WDR72: variants seen among roughly 807,000 people sequenced by gnomAD.
WDR72 encodes the protein WD repeat domain 72, also known as WD repeat-containing protein 72.
Under a neutral mutation model 124.2 loss-of-function variants are expected in WDR72, and 120 were observed. The observed-to-expected ratio is 0.97, with a 90% CI of 0.83 to 1.12. WDR72 has a LOEUF of 1.12. Ranked by LOEUF, WDR72 falls within the 50% of genes most tolerant of loss-of-function variation. The pLI, the probability that WDR72 is intolerant of heterozygous loss-of-function variation, is 0.00. For missense variants in WDR72, 1,387 were observed against 1,278.8 expected (o/e 1.08, Z -1.29); for synonymous variants, 452 against 441.7 (o/e 1.02, Z -0.29).
chr15:53,653,984 T>C lies in WDR72; in HGVS notation c.1962+11588A>G, dbSNP rs185827366. Among the ~76,000 whole-genome samples, 4 of 152,296 alleles carry C rather than the reference T, an allele frequency of 2.6e-5. No individual in the cohort carries two copies. The East Asian group carries it at 7.7e-4, about 29-fold the overall frequency. ...TTCCTAGGTTTTGATTATGCTTAAATATACCCAGTCTGGAAATCAACACAA... is the reference window on the plus strand; with the variant it reads ...TTCCTAGGTTTTGATTATGCTTAAACATACCCAGTCTGGAAATCAACACAA... On this transcript the variant is annotated intron_variant, in intron 14 of 19. Coordinates refer to ENST00000360509, the MANE Select transcript of WDR72 (RefSeq NM_182758.4).
At chr15:53,699,127 G>C (rs1361601727) in intron 13 of WDR72, among the ~76,000 whole-genome samples, 1 of 152,046 alleles carries the variant, frequency 6.6e-6, no homozygotes, top group Non-Finnish European at 1.5e-5. Flanking sequence ...ACTCTCAAAC[G>C]AACTCCCCTG....
At chr15:53,538,079 A>G (rs1892856713) in intron 18 of WDR72, among the ~76,000 whole-genome samples, 1 of 152,178 alleles carries the variant, frequency 6.6e-6, no homozygotes, top group Admixed American at 6.5e-5. Flanking sequence ...TTGGAAAGTT[A>G]TTCTAAATAG....
chr15:53,761,407 G>A (rs554771965), upstream of WDR72, among the ~76,000 whole-genome samples: 164 of 152,172 alleles, frequency 1.1e-3, no homozygotes, highest in Non-Finnish European at 1.9e-3. Context: ...AGAACAGTTT[G>A]AAGCTTCCTC....
chr15:53,577,698 T>C (rs2011687512), intron 18 of WDR72, among the ~76,000 whole-genome samples: 1 of 152,134 alleles, frequency 6.6e-6, no homozygotes, highest in Non-Finnish European at 1.5e-5. Flanking sequence ...CAGGACAAAC[T>C]TAAAAAGCTA....
At chr15:53,571,593 C>T (rs139526881) in intron 18 of WDR72, among the ~76,000 whole-genome samples, 17 of 152,208 alleles carry the variant, frequency 1.1e-4, no homozygotes, top group Admixed American at 6.5e-4. Flanking sequence ...ATATATGTCA[C>T]ATTTTCCTTA....
At chr15:53,599,925 T>C (rs2012966559) in intron 17 of WDR72, among the ~76,000 whole-genome samples, 1 of 152,016 alleles carries the variant, frequency 6.6e-6, no homozygotes, top group South Asian at 2.1e-4. Flanking sequence ...ACGAATATCA[T>C]CAAAAACAAG....
chr15:53,738,611 TTTGA>T (rs576265684), intron 1 of WDR72, among the ~76,000 whole-genome samples: 11 of 150,458 alleles, frequency 7.3e-5, no homozygotes, highest in Non-Finnish European at 1.3e-4. Flanking sequence ...TGTTTGTTTG[TTTGA>T]GATGGAGTCT....
At chr15:53,679,998 T>C (rs1017400725) in intron 13 of WDR72, among the ~76,000 whole-genome samples, 1 of 151,878 alleles carries the variant, frequency 6.6e-6, no homozygotes, top group East Asian at 1.9e-4. Context: ...AATAACCTTA[T>C]GCAATTTAAA....
In WDR72 at chr15:53,613,663, T is replaced by C; in HGVS notation, c.2872+3A>G. Reference sequence around the variant, plus strand: ...ATCATATCTGTGCCAGTAACTCTCTTACCATTTCGTAAGCAACTGTAGAAG... The same window carrying C: ...ATCATATCTGTGCCAGTAACTCTCTCACCATTTCGTAAGCAACTGTAGAAG... On this transcript the variant is annotated splice_donor_region_variant and intron_variant, in intron 16 of 19. Transcript: ENST00000360509. The C allele has an allele frequency of 6.2e-7, 1 of 1,603,496 alleles. No individual in the cohort carries two copies. Among genetic ancestry groups the C allele is most frequent in the Non-Finnish European group, 8.5e-7 (1 of 1,172,002 alleles).
At position 53,529,164 on chromosome 15, in the gene WDR72, ATTT is replaced by A. The variant is rs1221581823; in HGVS notation, c.3149-5845_3149-5843del. ...TTAGCCCATATATATATATATATATATTTTTTTTTTTTTTTTTAAAAGAATATA... is the reference window on the plus strand; with the variant it reads ...TTAGCCCATATATATATATATATATATTTTTTTTTTTTTTAAAAGAATATA... On this transcript the variant is annotated intron_variant, in intron 18 of 19. Transcript: ENST00000360509. Among the ~76,000 whole-genome samples the A allele has an allele frequency of 2.4e-3, 190 of 78,156 alleles. 6 individuals are homozygous for A. Among genetic ancestry groups the A allele is most frequent in the African/African-American group, 5.5e-3 (111 of 20,086 alleles). 51.3% of individuals were successfully genotyped at this position (78,156 alleles called of 152,430 possible).
At position 53,615,371 on chromosome 15, in the gene WDR72, T is replaced by C; in HGVS notation, c.2780+55A>G. 4 of 1,347,196 alleles carry C rather than the reference T, an allele frequency of 3.0e-6. 1 individual carries two copies. The highest frequency in any genetic ancestry group is 3.7e-5 in the Admixed American group (2 of 53,606). 83.5% of individuals were successfully genotyped at this position (1,347,196 alleles called of 1,614,324 possible). A position where few individuals can be genotyped will look rare whatever the true frequency, so the allele number is the denominator to read the frequency against. On this transcript the variant is annotated intron_variant, in intron 15 of 19. Coordinates refer to ENST00000360509, the MANE Select transcript of WDR72 (RefSeq NM_182758.4). ...AAGAGCTAAATATAGCAAATAATGA[T>C]ATATATTTTTAATGTCATAATCTAG...
intron 13 of WDR72, among the ~76,000 whole-genome samples, chr15:53,678,834 T>C (rs56293061): frequency 0.076 from 11,593 of 152,188 alleles, 1,130 homozygotes; most frequent in African/African-American, 0.22. Context: ...AAAACAACGA[T>C]ATGAATAGAT....
At chr15:53,692,539 C>G (rs74018706) in intron 13 of WDR72, among the ~76,000 whole-genome samples, 4,122 of 152,184 alleles carry the variant, frequency 0.027, 101 homozygotes, top group East Asian at 0.069. Flanking sequence ...AAGAGTGGAA[C>G]AAGAATTCAA....
At chr15:53,758,668 A>G (rs932338149) in intron 1 of WDR72, among the ~76,000 whole-genome samples, 1 of 150,406 alleles carries the variant, frequency 6.6e-6, no homozygotes, top group Non-Finnish European at 1.5e-5. Context: ...TTTGGCAGTG[A>G]CAATGGGAAG....
At chr15:53,743,408 A>G (rs2018560641) in intron 1 of WDR72, among the ~76,000 whole-genome samples, 1 of 152,166 alleles carries the variant, frequency 6.6e-6, no homozygotes, top group Admixed American at 6.5e-5. Flanking sequence ...TATATCAAAT[A>G]AGACCAAAAC....
At chr15:53,562,031 A>AT (rs990321380) in intron 18 of WDR72, among the ~76,000 whole-genome samples, 3 of 151,814 alleles carry the variant, frequency 2.0e-5, no homozygotes, top group African/African-American at 4.8e-5. Context: ...ACATTAATAC[A>AT]TTTTTATCTC....
chr15:53,574,644 T>C (rs138206308), intron 18 of WDR72, among the ~76,000 whole-genome samples: 72 of 152,324 alleles, frequency 4.7e-4, no homozygotes, highest in African/African-American at 1.5e-3. Context: ...GAGACTATTT[T>C]AGTATTTGCT....
intron 18 of WDR72, among the ~76,000 whole-genome samples, chr15:53,594,304 GA>G (rs143859371): frequency 0.29 from 43,915 of 150,698 alleles, 7,925 homozygotes; most frequent in Middle Eastern, 0.53. Flanking sequence ...AACCAAGAAA[GA>G]AAAAAAGAAA....
intron 14 of WDR72, among the ~76,000 whole-genome samples, chr15:53,657,189 G>C (rs2015455368): frequency 6.9e-6 from 1 of 145,122 alleles, no homozygotes; most frequent in Non-Finnish European, 1.5e-5. Flanking sequence ...ACTTGAACCT[G>C]GGAGGCACAG....
Sources: gnomAD v4.1 joint callset for allele counts (sites outside exome capture counted in the v4.1 genomes callset) on GRCh38, gnomAD v4.1.1 for gene constraint, MANE v1.5 for transcripts, NCBI Gene and HGNC (gene_info 2026-07-23, HGNC 2026-07-21) for gene names.